ACACA: variants seen among roughly 807,000 people sequenced by gnomAD.
The protein encoded by ACACA is acetyl-CoA carboxylase alpha, also known as acetyl-CoA carboxylase 1.
A neutral mutation model predicts 296.1 loss-of-function variants in ACACA; 103 were observed. The ratio of observed to expected loss-of-function variants is 0.35; its 90% CI spans 0.30 to 0.41. The LOEUF (loss-of-function observed/expected upper bound fraction) is 0.41, where lower values mean the gene tolerates loss of function less well. Among genes scored for constraint, ACACA ranks in the 10% least tolerant of loss-of-function variants. ACACA has a pLI of 1.00. For synonymous variants in ACACA, 953 were observed against 1,038.6 expected (o/e 0.92, Z 1.58); for missense variants, 1,554 against 2,989.7 (o/e 0.52, Z 11.20).
At chr17:37,348,134 G>A (rs1391814005) in intron 1 of ACACA, among the ~76,000 whole-genome samples, 2 of 150,612 alleles carry the variant, frequency 1.3e-5, no homozygotes, top group African/African-American at 4.9e-5. Flanking sequence ...CTGGGTGACT[G>A]AGTGAGACTC....
chr17:37,266,186 G>A (rs1356405963), intron 10 of ACACA, among the ~76,000 whole-genome samples: 1 of 152,054 alleles, frequency 6.6e-6, no homozygotes, highest in Non-Finnish European at 1.5e-5. Flanking sequence ...GGCCAAGGTG[G>A]GAGGATCATC....
At chr17:37,108,705 ACAGT>A (rs1290050920) in intron 52 of ACACA, among the ~76,000 whole-genome samples, 1 of 152,166 alleles carries the variant, frequency 6.6e-6, no homozygotes, top group Non-Finnish European at 1.5e-5. Context: ...GTTTTTGAAC[ACAGT>A]CAATCAGTTG....
intron 18 of ACACA, among the ~76,000 whole-genome samples, chr17:37,247,256 G>A (rs942684565): frequency 2.6e-5 from 4 of 151,978 alleles, no homozygotes; most frequent in South Asian, 2.1e-4. Flanking sequence ...TATTGATGAC[G>A]TAATAGCTAA....
intron 4 of ACACA, 62 bp from the exon 5 acceptor site, chr17:37,283,467 A>G: frequency 6.3e-7 from 1 of 1,574,932 alleles, no homozygotes; most frequent in Non-Finnish European, 8.7e-7. Context: ...AATGGAGGAA[A>G]AGAGATGAGA....
chr17:37,289,300 C>A, intron 3 of ACACA: 1 of 420,652 alleles, frequency 2.4e-6, no homozygotes, highest in Non-Finnish European at 4.1e-6. Context: ...TTTAACTGTC[C>A]ACATAAAACA....
At chr17:37,209,101 T>C (rs2078638582) in intron 30 of ACACA, among the ~76,000 whole-genome samples, 1 of 152,168 alleles carries the variant, frequency 6.6e-6, no homozygotes. Flanking sequence ...AAAAGGTACA[T>C]CATCTTTTGA....
intron 29 of ACACA, among the ~76,000 whole-genome samples, chr17:37,212,937 G>A (rs1033150128): frequency 4.7e-5 from 7 of 148,414 alleles, no homozygotes; most frequent in African/African-American, 1.7e-4. Flanking sequence ...CACAACTAAG[G>A]GAAGAGATTG....
intron 19 of ACACA, 35 bp from the exon 20 acceptor site, chr17:37,245,249 T>C (rs781003729): frequency 6.2e-7 from 1 of 1,609,512 alleles, no homozygotes; most frequent in South Asian, 1.1e-5. Context: ...CAGATTTATC[T>C]CTCTTTACAC....
rs147645268 is a variant in ACACA at position 37,326,141 on chromosome 17, G to A, written c.338+4032C>T. On this transcript the variant is annotated intron_variant, in intron 3 of 55. Coordinates refer to ENST00000616317, the MANE Select transcript of ACACA (RefSeq NM_198834.3). ...CAAGAATATCTTGAACCTGGGAGGC[G>A]GAGGTTGCAGTGGGCTGAGATTGCA... Among the ~76,000 whole-genome samples, 230 of 150,042 alleles carry A rather than the reference G, an allele frequency of 1.5e-3. 1 individual carries two copies. The highest frequency in any genetic ancestry group is 5.4e-3 in the African/African-American group (218 of 40,692).
At chr17:37,223,743 A>T (rs1471107867) in intron 27 of ACACA, 142 bp from the exon 28 acceptor site, 1 of 689,742 alleles carries the variant, frequency 1.4e-6, no homozygotes, top group Non-Finnish European at 2.6e-6. Context: ...CAGCTTCCTG[A>T]GCTACAAAAT....
At chr17:37,279,644 T>TAAA (rs34306905) in intron 5 of ACACA, among the ~76,000 whole-genome samples, 2 of 129,632 alleles carry the variant, frequency 1.5e-5, no homozygotes, top group Admixed American at 7.7e-5. Context: ...AGACTCCGTC[T>TAAA]AAAAAAAAAA....
chr17:37,189,382 AGTAGCAT>A (rs914214298), intron 38 of ACACA, among the ~76,000 whole-genome samples: 168 of 152,328 alleles, frequency 1.1e-3, no homozygotes, highest in African/African-American at 3.9e-3. Context: ...GTGGTTCTTT[AGTAGCAT>A]GTGCCACCCT....
intron 2 of ACACA, among the ~76,000 whole-genome samples, chr17:37,335,040 G>C (rs1469842768): frequency 6.6e-6 from 1 of 152,070 alleles, no homozygotes; most frequent in Non-Finnish European, 1.5e-5. Context: ...TTCAAGATCA[G>C]GCAACAGAAA....
chr17:37,406,628 G>A lies in ACACA; in HGVS notation c.-329C>T. 1 of 517,338 alleles carries A rather than the reference G, an allele frequency of 1.9e-6. No homozygotes were observed. 32.0% of individuals were successfully genotyped at this position (517,338 alleles called of 1,614,324 possible). On this transcript the variant is annotated 5_prime_UTR_variant, in exon 1 of 56. Coordinates refer to ENST00000616317, the MANE Select transcript of ACACA (RefSeq NM_198834.3). ...GGGGACCAAACAGCCCCACGCGCCAGGAAGCCTCAGGCAACGGGCCACGCG... is the reference window on the plus strand; with the variant it reads ...GGGGACCAAACAGCCCCACGCGCCAAGAAGCCTCAGGCAACGGGCCACGCG...
chr17:37,100,811 T>C (rs1308129376), intron 52 of ACACA, among the ~76,000 whole-genome samples: 1 of 152,076 alleles, frequency 6.6e-6, no homozygotes, highest in Non-Finnish European at 1.5e-5. Context: ...TAAAGAAGCA[T>C]TAGGGCCAGG....
intron 3 of ACACA, among the ~76,000 whole-genome samples, chr17:37,287,670 G>A (rs1300285655): frequency 2.6e-5 from 4 of 151,816 alleles, no homozygotes; most frequent in Non-Finnish European, 4.4e-5. Context: ...TTGAACCCAG[G>A]GGGCGGAGGT....
Position 37,161,761 on chromosome 17 carries a change from T to C in ACACA, c.5349+20A>G, listed in dbSNP as rs1455482399. The C allele has an allele frequency of 6.2e-7, 1 of 1,606,466 alleles. No individual in the cohort carries two copies. Among genetic ancestry groups the C allele is most frequent in the African/African-American group, 1.3e-5 (1 of 74,930 alleles). On this transcript the variant is annotated intron_variant, in intron 42 of 55. Coordinates refer to ENST00000616317, the MANE Select transcript of ACACA (RefSeq NM_198834.3). ...ATAACCATATAGCACCTTGAAGTAG[T>C]ATATGCTCTTAGTGTGTACCTTGTA...
intron 33 of ACACA, among the ~76,000 whole-genome samples, chr17:37,203,916 C>G (rs2078385466): frequency 6.6e-6 from 1 of 152,208 alleles, no homozygotes; most frequent in South Asian, 2.1e-4. Flanking sequence ...TCTCTGGAAG[C>G]ACCTTTTCCT....
intron 29 of ACACA, among the ~76,000 whole-genome samples, chr17:37,215,670 T>A (rs2078949138): frequency 6.6e-6 from 1 of 151,882 alleles, no homozygotes; most frequent in South Asian, 2.1e-4. Context: ...CAATGAATTG[T>A]GCAAAATACA....
Sources: gnomAD v4.1 joint callset for allele counts (sites outside exome capture counted in the v4.1 genomes callset) on GRCh38, gnomAD v4.1.1 for gene constraint, MANE v1.5 for transcripts, NCBI Gene and HGNC (gene_info 2026-07-23, HGNC 2026-07-21) for gene names.